ACTR3C: variants seen among roughly 807,000 people sequenced by gnomAD.
ACTR3C encodes actin-related protein 3C.
ACTR3C carries 18 observed loss-of-function variants against 26.3 expected under a neutral mutation model. The ratio of observed to expected loss-of-function variants is 0.68; its 90% CI spans 0.47 to 1.01. The LOEUF is 1.01. Ranked by LOEUF, ACTR3C falls within the 50% of genes least tolerant of loss-of-function variation. The pLI, the probability that ACTR3C is intolerant of heterozygous loss-of-function variation, is 0.00. For missense variants in ACTR3C, 184 were observed against 250.7 expected (o/e 0.73, Z 1.80); for synonymous variants, 55 against 94.5 (o/e 0.58, Z 2.42).
chr7:150,142,762 C>G, the ACTR3C span, among the ~76,000 whole-genome samples: 1 of 152,076 alleles, frequency 6.6e-6, no homozygotes, highest in Non-Finnish European at 1.5e-5. Context: ...CTCCTGACCT[C>G]AGGTGATCCA....
intron 6 of ACTR3C, among the ~76,000 whole-genome samples, chr7:150,254,536 C>A (rs187962987): frequency 6.6e-6 from 1 of 152,054 alleles, no homozygotes; most frequent in Non-Finnish European, 1.5e-5. Context: ...TATCAAAGAG[C>A]GAAACTTACC....
the ACTR3C span, among the ~76,000 whole-genome samples, chr7:150,190,976 T>C: frequency 1.3e-5 from 2 of 152,106 alleles, no homozygotes; most frequent in African/African-American, 4.8e-5. Context: ...TGGAAGTGAC[T>C]GCCCCCATGA....
At chr7:150,242,529 A>G (rs944317491), downstream of ACTR3C, among the ~76,000 whole-genome samples, 36 of 151,830 alleles carry the variant, frequency 2.4e-4, no homozygotes, top group African/African-American at 7.8e-4. Flanking sequence ...TTGTATGTAA[A>G]TTACACTACA....
intron 6 of ACTR3C, among the ~76,000 whole-genome samples, chr7:150,273,996 G>A (rs1455783463): frequency 1.3e-5 from 2 of 152,110 alleles, no homozygotes; most frequent in East Asian, 3.8e-4. Flanking sequence ...AGCACCACGG[G>A]TCAGCAATGA....
At chr7:150,299,251 G>A (rs990480614) in intron 1 of ACTR3C, among the ~76,000 whole-genome samples, 13 of 150,958 alleles carry the variant, frequency 8.6e-5, no homozygotes, top group African/African-American at 2.2e-4. Flanking sequence ...CAAAGGCTGG[G>A]ATTACAAGGC....
At chr7:150,159,497 T>C in the ACTR3C span, among the ~76,000 whole-genome samples, 1 of 152,078 alleles carries the variant, frequency 6.6e-6, no homozygotes, top group Non-Finnish European at 1.5e-5. Flanking sequence ...TCTGTCTAAA[T>C]TCTCCCTCCT....
At chr7:150,311,511 C>T (rs2129615557) in intron 1 of ACTR3C, among the ~76,000 whole-genome samples, 1 of 152,318 alleles carries the variant, frequency 6.6e-6, no homozygotes, top group Admixed American at 6.5e-5. Flanking sequence ...TCGACTCCTC[C>T]AGCTCTATTC....
At chr7:149,959,640 C>G in the ACTR3C span, among the ~76,000 whole-genome samples, 1 of 152,188 alleles carries the variant, frequency 6.6e-6, no homozygotes, top group African/African-American at 2.4e-5. Flanking sequence ...AGAGAGGTGG[C>G]CCCAAACTAG....
the ACTR3C span, among the ~76,000 whole-genome samples, chr7:149,938,275 A>T: frequency 5.7e-4 from 87 of 152,314 alleles, 1 homozygote; most frequent in African/African-American, 2.0e-3. Context: ...ATACCACCAG[A>T]CCTTTGAGGA....
the ACTR3C span, among the ~76,000 whole-genome samples, chr7:150,169,116 T>C: frequency 6.7e-6 from 1 of 150,234 alleles, no homozygotes; most frequent in Non-Finnish European, 1.5e-5. Context: ...GCACGGTGGC[T>C]CACACCTGTA....
At chr7:150,249,107 C>T (rs1398982776) in intron 6 of ACTR3C, 53 bp from the exon 7 acceptor site, 1 of 562,884 alleles carries the variant, frequency 1.8e-6, no homozygotes, top group Non-Finnish European at 3.2e-6. Context: ...GGGTCAATAA[C>T]AAAAGAGCTC....
At chr7:150,174,475 A>G in the ACTR3C span, among the ~76,000 whole-genome samples, 1 of 141,470 alleles carries the variant, frequency 7.1e-6, no homozygotes, top group East Asian at 2.0e-4. Context: ...ATACAATTCA[A>G]GTTGAGATTT....
chr7:150,105,152 C>T, the ACTR3C span, among the ~76,000 whole-genome samples: 11 of 150,808 alleles, frequency 7.3e-5, no homozygotes, highest in Non-Finnish European at 1.3e-4. Flanking sequence ...GCGCTATCTC[C>T]GCTCACTGCA....
the ACTR3C span, among the ~76,000 whole-genome samples, chr7:150,122,334 T>A: frequency 1.1e-4 from 17 of 152,092 alleles, no homozygotes; most frequent in African/African-American, 7.2e-5. Context: ...ATTTTTGTAA[T>A]CTATCCATCT....
the ACTR3C span, among the ~76,000 whole-genome samples, chr7:150,142,092 T>C: frequency 2.6e-5 from 4 of 152,078 alleles, no homozygotes; most frequent in African/African-American, 9.7e-5. Context: ...TCAAAAGAAA[T>C]CAGGCTGCAG....
the ACTR3C span, among the ~76,000 whole-genome samples, chr7:150,202,018 C>T: frequency 1.3e-5 from 2 of 152,132 alleles, no homozygotes; most frequent in African/African-American, 4.8e-5. Context: ...CTTTTCACCC[C>T]CGACCTCCTT....
the ACTR3C span, among the ~76,000 whole-genome samples, chr7:150,034,867 G>C: frequency 8.1e-5 from 12 of 148,948 alleles, 1 homozygote; most frequent in African/African-American, 3.0e-4. Context: ...TGGGGGAACA[G>C]GGGCTGGCTC....
At chr7:150,147,406 T>C in the ACTR3C span, among the ~76,000 whole-genome samples, 2 of 152,188 alleles carry the variant, frequency 1.3e-5, no homozygotes, top group Non-Finnish European at 2.9e-5. Context: ...GAAATATTCC[T>C]GAAAGAAATA....
At chr7:149,992,405 A>C in the ACTR3C span, among the ~76,000 whole-genome samples, 4 of 152,226 alleles carry the variant, frequency 2.6e-5, no homozygotes, top group Non-Finnish European at 5.9e-5. Context: ...AGAGCCCATT[A>C]GTCCTCCCCA....
Sources: gnomAD v4.1 joint callset for allele counts (sites outside exome capture counted in the v4.1 genomes callset) on GRCh38, gnomAD v4.1.1 for gene constraint, MANE v1.5 for transcripts, NCBI Gene and HGNC (gene_info 2026-07-23, HGNC 2026-07-21) for gene names.